The following TBC1D2 variants were observed in gnomAD, a reference collection of about 807,000 sequenced individuals.
The protein encoded by TBC1D2 is TBC1 domain family member 2A.
In TBC1D2, 58 loss-of-function variants were observed where a neutral mutation model predicts 91.1. The observed-to-expected ratio is 0.64, with a 90% CI of 0.52 to 0.79. The LOEUF (loss-of-function observed/expected upper bound fraction) is 0.79, where lower values mean the gene tolerates loss of function less well. TBC1D2 is among the 30% of genes least tolerant of loss of function. The probability of loss-of-function intolerance (pLI) is 0.00; values close to 1 mark genes in which losing one functional copy is unlikely to be tolerated. For synonymous variants in TBC1D2, 482 were observed against 511.5 expected, an observed-to-expected ratio of 0.94 and a Z score of 0.78; for missense variants, 1,080 against 1,208.3, an observed-to-expected ratio of 0.89 and a Z score of 1.57.
chr9:98,218,838 G>A (rs558672596), intron 6 of TBC1D2, among the ~76,000 whole-genome samples: 133 of 152,290 alleles, frequency 8.7e-4, no homozygotes, highest in Non-Finnish European at 1.6e-3. Flanking sequence ...ACACAGGCGT[G>A]CGCCACCACA....
intron 2 of TBC1D2, among the ~76,000 whole-genome samples, chr9:98,251,223 G>A (rs1024199048): frequency 3.9e-5 from 6 of 151,964 alleles, no homozygotes; most frequent in South Asian, 2.1e-4. Context: ...CCCGGGAGGC[G>A]GAAGTTGCAG....
intron 5 of TBC1D2, among the ~76,000 whole-genome samples, chr9:98,225,540 C>G (rs891973824): frequency 6.6e-6 from 1 of 152,202 alleles, no homozygotes; most frequent in Non-Finnish European, 1.5e-5. Context: ...GGGCCCCAAT[C>G]CTGGCTTTTC....
At chr9:98,224,280 C>CTTTTTTTT (rs1170210699) in intron 5 of TBC1D2, among the ~76,000 whole-genome samples, 6 of 107,420 alleles carry the variant, frequency 5.6e-5, no homozygotes, top group Non-Finnish European at 7.5e-5. Context: ...TTTTTCTTTT[C>CTTTTTTTT]TTTTTTTTTT....
At position 98,229,051 on chromosome 9, in the gene TBC1D2, G is replaced by T; in HGVS notation, c.879C>A (p.Phe293Leu). 6.2e-7 allele frequency: 1 copy of T among 1,614,264 alleles called. No homozygotes were observed. The highest frequency in any genetic ancestry group is 8.5e-7 in the Non-Finnish European group (1 of 1,180,048). Residue 293 changes from phenylalanine (F) to leucine (L), a missense_variant, in exon 5 of 13, where the codon TTC becomes TTA. Phe to Leu is a conservative substitution (Grantham distance 22). Transcript: ENST00000465784. Reference protein sequence around the residue: ...KAKRQNNTFPFFSEGITRNRT... With the variant: ...KAKRQNNTFPLFSEGITRNRT... ...GGTTCCGTGTGATTCCTTCAGAAAA[G>T]AATGGGAAGGTGTTGTTCTGGCGCT...
intron 3 of TBC1D2, among the ~76,000 whole-genome samples, chr9:98,237,415 C>T (rs997444229): frequency 5.3e-5 from 8 of 151,762 alleles, no homozygotes; most frequent in Admixed American, 5.3e-4. Context: ...CAGAGTGCAC[C>T]CCACTTAGTG....
At chr9:98,209,743 TTTCCTTCCTTCCTTTCCTTCC>T (rs1271530902) in intron 8 of TBC1D2, among the ~76,000 whole-genome samples, 4 of 120,398 alleles carry the variant, frequency 3.3e-5, no homozygotes, top group East Asian at 2.2e-4. Flanking sequence ...CCTTCTTTCC[TTTCCTTCCTTCCTTTCCTTCC>T]TTCCTTCCTT....
intron 10 of TBC1D2, among the ~76,000 whole-genome samples, chr9:98,202,181 T>C (rs772805889): frequency 2.6e-5 from 4 of 152,242 alleles, no homozygotes; most frequent in Admixed American, 6.5e-5. Flanking sequence ...CATAATGTCC[T>C]GCCTCGCCGG....
In TBC1D2 at chr9:98,255,559, T is replaced by C; in HGVS notation, c.-18A>G. ...CCCTCCATCGCTGCCAGCCGGAGAC[T>C]GCGGAGGGACGAGGGGTCCGCGGGA... On this transcript the variant is annotated 5_prime_UTR_variant, in exon 1 of 13. Transcript: ENST00000465784. 6.7e-7 allele frequency: 1 copy of C among 1,494,842 alleles called. No homozygotes were observed. Among genetic ancestry groups the C allele is most frequent in the Non-Finnish European group, 8.9e-7 (1 of 1,125,318 alleles). 92.6% of individuals were successfully genotyped at this position (1,494,842 alleles called of 1,614,324 possible).
intron 5 of TBC1D2, among the ~76,000 whole-genome samples, chr9:98,224,795 C>A (rs1182966754): frequency 2.0e-5 from 3 of 152,120 alleles, no homozygotes; most frequent in Non-Finnish European, 2.9e-5. Context: ...GTTGCACAGG[C>A]CTCGGTTCCC....
chr9:98,224,018 T>A (rs1443709087), intron 5 of TBC1D2, among the ~76,000 whole-genome samples: 3 of 151,750 alleles, frequency 2.0e-5, no homozygotes. Flanking sequence ...GCTAACATGG[T>A]GAAACCCCGT....
At chr9:98,215,998 ATC>A (rs1393749139) in intron 6 of TBC1D2, among the ~76,000 whole-genome samples, 1 of 152,158 alleles carries the variant, frequency 6.6e-6, no homozygotes, top group Non-Finnish European at 1.5e-5. Flanking sequence ...ATAACAACAC[ATC>A]AAAGACGCTG....
intron 3 of TBC1D2, among the ~76,000 whole-genome samples, chr9:98,236,806 G>C (rs1388665959): frequency 6.6e-6 from 1 of 152,146 alleles, no homozygotes; most frequent in African/African-American, 2.4e-5. Flanking sequence ...CTTTACACTG[G>C]TGAGATTCTA....
chr9:98,212,030 C>T (rs764002228), intron 7 of TBC1D2, among the ~76,000 whole-genome samples: 38 of 152,106 alleles, frequency 2.5e-4, no homozygotes, highest in Non-Finnish European at 3.7e-4. Flanking sequence ...ACTCTAGCCC[C>T]AAGGGATCCA....
At chr9:98,218,255 T>G (rs974214813) in intron 6 of TBC1D2, among the ~76,000 whole-genome samples, 2 of 152,106 alleles carry the variant, frequency 1.3e-5, no homozygotes, top group African/African-American at 4.8e-5. Flanking sequence ...AGTCTCCATG[T>G]AGCTGAGCTC....
intron 9 of TBC1D2, among the ~76,000 whole-genome samples, chr9:98,207,032 A>C (rs974712877): frequency 7.2e-5 from 11 of 152,258 alleles, no homozygotes; most frequent in African/African-American, 2.7e-4. Context: ...CTGTTGAATG[A>C]ATGAAATTTC....
At chr9:98,208,384 C>T (rs1226437709) in intron 9 of TBC1D2, among the ~76,000 whole-genome samples, 1 of 152,166 alleles carries the variant, frequency 6.6e-6, no homozygotes, top group Non-Finnish European at 1.5e-5. Context: ...TTTGAAACTG[C>T]TCCACCTCAG....
intron 3 of TBC1D2, among the ~76,000 whole-genome samples, chr9:98,242,378 T>C (rs1336963573): frequency 2.8e-5 from 4 of 143,864 alleles, no homozygotes; most frequent in African/African-American, 1.0e-4. Context: ...GAAGCAGAGG[T>C]TGCAGCGAGC....
intron 3 of TBC1D2, among the ~76,000 whole-genome samples, chr9:98,240,006 G>T (rs1829597578): frequency 6.6e-6 from 1 of 152,044 alleles, no homozygotes; most frequent in South Asian, 2.1e-4. Context: ...TTTCTGTAAG[G>T]TTGGTAGCAA....
intron 5 of TBC1D2, among the ~76,000 whole-genome samples, chr9:98,227,160 G>A (rs1829251343): frequency 6.6e-6 from 1 of 152,222 alleles, no homozygotes; most frequent in Admixed American, 6.5e-5. Flanking sequence ...CAGAACTGGA[G>A]CACCATGATG....
Sources: allele counts gnomAD v4.1 joint callset (sites outside exome capture counted in the v4.1 genomes callset), GRCh38; gene constraint gnomAD v4.1.1; transcripts MANE v1.5; gene names NCBI Gene and HGNC (gene_info 2026-07-23, HGNC 2026-07-21).